GPM6A: variants seen among roughly 807,000 people sequenced by gnomAD.
GPM6A encodes glycoprotein M6A.
A neutral mutation model predicts 32.1 loss-of-function variants in GPM6A; 7 were observed. That is an observed-to-expected ratio of 0.22 (90% CI 0.12 to 0.41). GPM6A has a LOEUF of 0.41. GPM6A is among the 10% of genes least tolerant of loss of function. GPM6A has a pLI of 1.00. For missense variants in GPM6A, 235 were observed against 347.2 expected, an observed-to-expected ratio of 0.68 and a Z score of 2.57; for synonymous variants, 130 against 123.4, an observed-to-expected ratio of 1.05 and a Z score of -0.35.
chr4:175,887,716 GA>G (rs956159459), intron 1 of GPM6A, among the ~76,000 whole-genome samples: 2 of 150,492 alleles, frequency 1.3e-5, no homozygotes, highest in African/African-American at 4.9e-5. Flanking sequence ...TAAAAATTTT[GA>G]AAAAAAATAA....
intron 1 of GPM6A, among the ~76,000 whole-genome samples, chr4:175,999,683 C>T (rs1359019364): frequency 6.6e-6 from 1 of 152,006 alleles, no homozygotes; most frequent in African/African-American, 2.4e-5. Flanking sequence ...ACATTCATCC[C>T]CAGAACACTA....
chr4:175,662,946 A>T (rs1742513854), intron 3 of GPM6A, among the ~76,000 whole-genome samples: 2 of 152,214 alleles, frequency 1.3e-5, no homozygotes, highest in Non-Finnish European at 2.9e-5. Flanking sequence ...AACTATATAT[A>T]AAATCATTAA....
chr4:175,637,634 TA>T, intron 6 of GPM6A, among the ~76,000 whole-genome samples: 1 of 824 alleles, frequency 1.2e-3, no homozygotes, highest in East Asian at 0.071. Context: ...ATTATATATA[TA>T]TTATATATTA....
At chr4:175,828,489 A>G (rs912119262) in intron 1 of GPM6A, among the ~76,000 whole-genome samples, 1 of 152,218 alleles carries the variant, frequency 6.6e-6, no homozygotes, top group South Asian at 2.1e-4. Context: ...GACAATTGTT[A>G]TTCTTTACAG....
chr4:175,638,379 G>T (rs923336347), intron 6 of GPM6A, among the ~76,000 whole-genome samples: 1 of 151,750 alleles, frequency 6.6e-6, no homozygotes, highest in African/African-American at 2.4e-5. Flanking sequence ...GCTAGTATGG[G>T]GTTTTGTGAT....
chr4:175,649,522 C>G (rs907502541), intron 4 of GPM6A, among the ~76,000 whole-genome samples: 4 of 152,058 alleles, frequency 2.6e-5, no homozygotes, highest in Non-Finnish European at 5.9e-5. Context: ...TTTGATAATA[C>G]CAAAGACCTT....
At chr4:175,811,792 A>G (rs1305173102) in intron 1 of GPM6A, 1 of 157,032 alleles carries the variant, frequency 6.4e-6, no homozygotes, top group Non-Finnish European at 1.4e-5. Flanking sequence ...CCATGCAAAG[A>G]TATGGATAAT....
At chr4:175,983,506 GTCT>G (rs1740876704) in intron 1 of GPM6A, among the ~76,000 whole-genome samples, 1 of 152,016 alleles carries the variant, frequency 6.6e-6, no homozygotes, top group Non-Finnish European at 1.5e-5. Flanking sequence ...CTAAAACTTT[GTCT>G]AATGCTTTTT....
chr4:175,715,302 C>T (rs558109612), intron 1 of GPM6A, among the ~76,000 whole-genome samples: 95 of 152,230 alleles, frequency 6.2e-4, no homozygotes, highest in African/African-American at 2.2e-3. Flanking sequence ...TATAATTTCC[C>T]ACATCTTCAT....
At chr4:175,674,236 G>A (rs547408904) in intron 2 of GPM6A, among the ~76,000 whole-genome samples, 3 of 152,274 alleles carry the variant, frequency 2.0e-5, no homozygotes, top group African/African-American at 7.2e-5. Context: ...GGAGTACAGT[G>A]GTGCGATCTC....
chr4:175,675,727 G>A (rs976400681), intron 2 of GPM6A, among the ~76,000 whole-genome samples: 16 of 151,946 alleles, frequency 1.1e-4, no homozygotes, highest in African/African-American at 2.2e-4. Context: ...ATGGCTCACC[G>A]CAGCCTCAAC....
chr4:175,747,260 C>G (rs1479969091), intron 1 of GPM6A, among the ~76,000 whole-genome samples: 17 of 101,666 alleles, frequency 1.7e-4, no homozygotes, highest in African/African-American at 6.1e-4. Flanking sequence ...CAGAGCAAGA[C>G]TCCATCTCCA....
intron 1 of GPM6A, among the ~76,000 whole-genome samples, chr4:175,848,772 A>G (rs1267111166): frequency 6.6e-6 from 1 of 152,214 alleles, no homozygotes; most frequent in African/African-American, 2.4e-5. Context: ...ACAATAATAA[A>G]TACTGTTATT....
intron 1 of GPM6A, chr4:176,002,176 G>T (rs1741505332): frequency 2.0e-6 from 2 of 986,286 alleles, no homozygotes; most frequent in Non-Finnish European, 3.2e-6. Flanking sequence ...GGGGGCGGGG[G>T]ACGCCAGGCG....
At position 175,634,208 on chromosome 4, in the gene GPM6A, C is replaced by T. The variant is rs1349829099; in HGVS notation, c.*697G>A. ...TAGCCATGCATTAGCATTACTGTTT[C>T]TACATGCTCACAACATAAACATGAG... is the stretch of plus-strand genomic sequence containing the variant. On this transcript the variant is annotated 3_prime_UTR_variant, in exon 7 of 7. Coordinates refer to ENST00000393658, the MANE Select transcript of GPM6A (RefSeq NM_201591.3). The T allele has an allele frequency of 1.3e-5, 2 of 152,512 alleles. No homozygotes were observed. The highest frequency in any genetic ancestry group is 2.4e-5 in the African/African-American group (1 of 41,420). The allele number at this position is 152,512 out of a possible 1,614,324, so 9.4% of individuals were successfully genotyped here.
chr4:175,745,699 A>G (rs1319460418), intron 1 of GPM6A, among the ~76,000 whole-genome samples: 1 of 152,232 alleles, frequency 6.6e-6, no homozygotes, highest in Admixed American at 6.5e-5. Context: ...ATTGGCAGAA[A>G]GTGCAAAATA....
intron 1 of GPM6A, among the ~76,000 whole-genome samples, chr4:175,887,626 G>A (rs187877773): frequency 2.3e-4 from 35 of 151,684 alleles, no homozygotes; most frequent in African/African-American, 7.2e-4. Context: ...ATGCTAATAC[G>A]TTTGACAAAC....
intron 1 of GPM6A, among the ~76,000 whole-genome samples, chr4:175,951,447 C>T (rs1417090694): frequency 2.0e-5 from 3 of 152,116 alleles, no homozygotes; most frequent in African/African-American, 7.2e-5. Context: ...GTTGGACAAG[C>T]ACTGGCCTAT....
At chr4:175,772,672 T>A (rs1349200256) in intron 1 of GPM6A, among the ~76,000 whole-genome samples, 1 of 152,272 alleles carries the variant, frequency 6.6e-6, no homozygotes, top group South Asian at 2.1e-4. Flanking sequence ...CACTGAACAC[T>A]CTAGTCTCAC....
Sources: gnomAD v4.1 joint callset for allele counts (sites outside exome capture counted in the v4.1 genomes callset) on GRCh38, gnomAD v4.1.1 for gene constraint, MANE v1.5 for transcripts, NCBI Gene and HGNC (gene_info 2026-07-23, HGNC 2026-07-21) for gene names.